The following KHDRBS2 variants were observed in gnomAD, a reference collection of about 807,000 sequenced individuals.
The protein encoded by KHDRBS2 is KH RNA binding domain containing, signal transduction associated 2.
In KHDRBS2, 26 loss-of-function variants were observed where a neutral mutation model predicts 44.3. That is an observed-to-expected ratio of 0.59 (90% confidence interval 0.43 to 0.81). The LOEUF (loss-of-function observed/expected upper bound fraction) is 0.81, where lower values mean the gene tolerates loss of function less well. KHDRBS2 is among the 40% of genes least tolerant of loss of function. KHDRBS2 has a pLI of 0.00. For missense variants in KHDRBS2, 476 were observed against 433.1 expected (o/e 1.10, Z -0.88); for synonymous variants, 194 against 151.1 (o/e 1.28, Z -2.08).
chr6:62,130,863 AAC>A (rs1365569817), intron 2 of KHDRBS2, among the ~76,000 whole-genome samples: 1 of 152,070 alleles, frequency 6.6e-6, no homozygotes, highest in Non-Finnish European at 1.5e-5. Context: ...GAAAGTATAA[AAC>A]ACAATGATTG....
At chr6:61,983,600 T>A (rs552588040) in intron 3 of KHDRBS2, among the ~76,000 whole-genome samples, 1 of 152,206 alleles carries the variant, frequency 6.6e-6, no homozygotes, top group Admixed American at 6.5e-5. Context: ...TGGCTTGGTT[T>A]CATAGCATTG....
intron 1 of KHDRBS2, among the ~76,000 whole-genome samples, chr6:62,215,570 G>A (rs887437178): frequency 5.9e-5 from 9 of 151,614 alleles, no homozygotes; most frequent in Non-Finnish European, 1.3e-4. Context: ...AAAAAAATAC[G>A]CCTTTTAAAA....
At chr6:61,642,444 C>T in the KHDRBS2 span, among the ~76,000 whole-genome samples, 1 of 150,710 alleles carries the variant, frequency 6.6e-6, no homozygotes, top group Non-Finnish European at 1.5e-5. Context: ...TTGCTTGAGC[C>T]CAGGAGTTCA....
chr6:61,597,903 GTTTTT>G, the KHDRBS2 span, among the ~76,000 whole-genome samples: 15 of 133,024 alleles, frequency 1.1e-4, no homozygotes, highest in South Asian at 1.3e-3. Context: ...AAACATAGAG[GTTTTT>G]TTTGTGTTTT....
the KHDRBS2 span, among the ~76,000 whole-genome samples, chr6:61,642,660 C>CAAAA: frequency 7.4e-6 from 1 of 134,792 alleles, no homozygotes; most frequent in Non-Finnish European, 1.6e-5. Context: ...GACTCCACAT[C>CAAAA]AAAAAAAAAA....
At chr6:62,221,345 A>T (rs887620407) in intron 1 of KHDRBS2, among the ~76,000 whole-genome samples, 7 of 152,042 alleles carry the variant, frequency 4.6e-5, no homozygotes, top group African/African-American at 1.7e-4. Context: ...AAGGATATAA[A>T]GCAGCAGATA....
At chr6:61,567,098 C>T in the KHDRBS2 span, among the ~76,000 whole-genome samples, 1 of 152,170 alleles carries the variant, frequency 6.6e-6, no homozygotes, top group African/African-American at 2.4e-5. Flanking sequence ...AAATTAGCTC[C>T]TACTCTACCA....
intron 6 of KHDRBS2, among the ~76,000 whole-genome samples, chr6:61,768,790 A>G (rs1287318734): frequency 6.6e-6 from 1 of 152,096 alleles, no homozygotes; most frequent in African/African-American, 2.4e-5. Context: ...TGTTGCAACA[A>G]GGAACTCCGA....
At chr6:61,548,714 C>G in the KHDRBS2 span, among the ~76,000 whole-genome samples, 2 of 151,880 alleles carry the variant, frequency 1.3e-5, no homozygotes, top group Non-Finnish European at 2.9e-5. Flanking sequence ...AAACAGAAAA[C>G]AGACGGACTC....
At chr6:61,986,929 T>C (rs953859572) in intron 3 of KHDRBS2, among the ~76,000 whole-genome samples, 1 of 152,192 alleles carries the variant, frequency 6.6e-6, no homozygotes, top group Non-Finnish European at 1.5e-5. Flanking sequence ...CATATGAATT[T>C]TGAGGGACAC....
At chr6:62,053,032 T>G (rs567492836) in intron 2 of KHDRBS2, among the ~76,000 whole-genome samples, 1 of 152,094 alleles carries the variant, frequency 6.6e-6, no homozygotes, top group Non-Finnish European at 1.5e-5. Flanking sequence ...TGCGAGATGA[T>G]GGATATGTCA....
At chr6:62,100,761 C>T (rs1210952213) in intron 2 of KHDRBS2, among the ~76,000 whole-genome samples, 6 of 152,172 alleles carry the variant, frequency 3.9e-5, no homozygotes, top group Admixed American at 6.5e-5. Context: ...TATAGTGTAG[C>T]ATAAACCTAA....
intron 6 of KHDRBS2, among the ~76,000 whole-genome samples, chr6:61,889,269 G>A (rs1801445867): frequency 6.6e-6 from 1 of 152,144 alleles, no homozygotes; most frequent in African/African-American, 2.4e-5. Context: ...ACCTCAAAGT[G>A]TTTGTAAAAT....
intron 2 of KHDRBS2, among the ~76,000 whole-genome samples, chr6:62,072,279 A>G (rs995086598): frequency 6.6e-6 from 1 of 152,198 alleles, no homozygotes; most frequent in Non-Finnish European, 1.5e-5. Flanking sequence ...CAATCATGTC[A>G]TCTGCAAACA....
chr6:62,282,109 A>G (rs1216165185), intron 1 of KHDRBS2, among the ~76,000 whole-genome samples: 2 of 152,210 alleles, frequency 1.3e-5, no homozygotes, highest in Non-Finnish European at 2.9e-5. Context: ...CTTAATTAAA[A>G]AACTTATCAA....
rs145416037 is a variant in KHDRBS2, at chr6:62,247,855, T to G, written c.91+38003A>C. Among the ~76,000 whole-genome samples the G allele has an allele frequency of 2.5e-3, 382 of 152,218 alleles. 3 individuals carry two copies. Among genetic ancestry groups the G allele is most frequent in the African/African-American group, 8.4e-3 (350 of 41,560 alleles). On this transcript the variant is annotated intron_variant, in intron 1 of 8. Transcript: ENST00000281156. ...AAAGGCCATAGGTAGGTATTTTCTA[T>G]TCAAGGAACTCCCCAGAGAATATCT...
rs566772859 is a variant in KHDRBS2, at chr6:61,971,619, G to A, written c.483+6447C>T. 4.6e-5 allele frequency among the ~76,000 whole-genome samples: 7 copies of A among 152,028 alleles called. 1 individual carries two copies. The highest frequency in any genetic ancestry group is 1.9e-4 in the East Asian group (1 of 5,168). On this transcript the variant is annotated intron_variant, in intron 4 of 8. Coordinates refer to ENST00000281156, the MANE Select transcript of KHDRBS2 (RefSeq NM_152688.4). ...CATCAATATTTTCAAGAGGCTAATC[G>A]AACTCTCTTTCTCTCTCTCTTCCTC... is the stretch of plus-strand genomic sequence containing the variant.
the KHDRBS2 span, among the ~76,000 whole-genome samples, chr6:61,635,069 A>G: frequency 2.0e-5 from 3 of 152,060 alleles, no homozygotes; most frequent in African/African-American, 7.2e-5. Flanking sequence ...TTCTCCATCA[A>G]TTTTCCTAGG....
At chr6:62,270,737 G>GA (rs544514754) in intron 1 of KHDRBS2, among the ~76,000 whole-genome samples, 2 of 151,912 alleles carry the variant, frequency 1.3e-5, no homozygotes, top group Non-Finnish European at 2.9e-5. Flanking sequence ...AGTAGATAAG[G>GA]AAAAAAATCT....
Sources: allele counts gnomAD v4.1 joint callset (sites outside exome capture counted in the v4.1 genomes callset), GRCh38; gene constraint gnomAD v4.1.1; transcripts MANE v1.5; gene names NCBI Gene and HGNC (gene_info 2026-07-23, HGNC 2026-07-21).